HYAL4: variants seen among roughly 807,000 people sequenced by gnomAD.
HYAL4 encodes hyaluronidase-4.
In HYAL4, 37 loss-of-function variants were observed where a neutral mutation model predicts 35.2. The ratio of observed to expected loss-of-function variants is 1.05; its 90% CI spans 0.81 to 1.38. The LOEUF is 1.38. Ranked by LOEUF, HYAL4 falls within the 40% of genes most tolerant of loss-of-function variation. The pLI is 0.00. For missense variants in HYAL4, 572 were observed against 572.4 expected (o/e 1.00, Z 0.01); for synonymous variants, 198 against 203.2 (o/e 0.97, Z 0.22).
chr7:123,809,047 A>G, the HYAL4 span, among the ~76,000 whole-genome samples: 3 of 152,188 alleles, frequency 2.0e-5, no homozygotes, highest in Admixed American at 2.0e-4. Context: ...GAAGGAGGAT[A>G]TAATTGGAAC....
intron 2 of HYAL4, among the ~76,000 whole-genome samples, chr7:123,866,313 C>T (rs1010614683): frequency 2.0e-5 from 3 of 152,202 alleles, no homozygotes; most frequent in South Asian, 2.1e-4. Flanking sequence ...CTGGAATTTA[C>T]GTCACCACTG....
the HYAL4 span, among the ~76,000 whole-genome samples, chr7:123,790,178 G>A: frequency 6.6e-6 from 1 of 152,168 alleles, no homozygotes; most frequent in Non-Finnish European, 1.5e-5. Context: ...CGTCAGAGCT[G>A]TCATGAATCA....
the HYAL4 span, among the ~76,000 whole-genome samples, chr7:123,768,270 A>G: frequency 0.022 from 3,401 of 152,312 alleles, 76 homozygotes; most frequent in Middle Eastern, 0.068. Flanking sequence ...TATTAAAATA[A>G]AAACCAAACA....
At chr7:123,833,228 C>G (rs1015342532) in intron 1 of HYAL4, among the ~76,000 whole-genome samples, 1 of 152,142 alleles carries the variant, frequency 6.6e-6, no homozygotes, top group African/African-American at 2.4e-5. Flanking sequence ...TTCACTACAC[C>G]CACATGGACA....
upstream of HYAL4, among the ~76,000 whole-genome samples, chr7:123,840,631 C>T (rs1419424613): frequency 1.3e-5 from 2 of 151,906 alleles, no homozygotes; most frequent in Admixed American, 6.6e-5. Flanking sequence ...ATGGAATATT[C>T]TTCCATTTGT....
At chr7:123,787,779 G>C in the HYAL4 span, among the ~76,000 whole-genome samples, 1 of 152,144 alleles carries the variant, frequency 6.6e-6, no homozygotes, top group Non-Finnish European at 1.5e-5. Flanking sequence ...AGGAGGAGGG[G>C]CAATTGCAGT....
chr7:123,800,986 A>G, the HYAL4 span, among the ~76,000 whole-genome samples: 1 of 152,108 alleles, frequency 6.6e-6, no homozygotes, highest in African/African-American at 2.4e-5. Context: ...AATAAAATTT[A>G]TTTTATTTGG....
chr7:123,829,572 A>G (rs1805849948), intron 1 of HYAL4, among the ~76,000 whole-genome samples: 1 of 152,232 alleles, frequency 6.6e-6, no homozygotes, highest in African/African-American at 2.4e-5. Context: ...AAGAAAGTGA[A>G]TATACCTGCT....
upstream of HYAL4, among the ~76,000 whole-genome samples, chr7:123,828,427 T>TACACACACAC (rs34327472): frequency 0.022 from 3,155 of 141,354 alleles, 44 homozygotes; most frequent in Non-Finnish European, 0.029. Flanking sequence ...TGTTCATAAT[T>TACACACACAC]ACACACACAC....
chr7:123,816,147 C>T, the HYAL4 span, among the ~76,000 whole-genome samples: 1 of 152,056 alleles, frequency 6.6e-6, no homozygotes. Context: ...AGGGAAACTG[C>T]CATTTGGGGG....
chr7:123,842,826 C>CT (rs966602691), upstream of HYAL4, among the ~76,000 whole-genome samples: 12 of 151,522 alleles, frequency 7.9e-5, no homozygotes, highest in East Asian at 1.5e-3. Context: ...CAACTCCTGC[C>CT]TTTTTTTTGT....
chr7:123,774,019 T>C, the HYAL4 span, among the ~76,000 whole-genome samples: 2 of 152,162 alleles, frequency 1.3e-5, no homozygotes, highest in African/African-American at 4.8e-5. Context: ...TTGTATTTTA[T>C]TTTTTATTTT....
intron 1 of HYAL4, among the ~76,000 whole-genome samples, chr7:123,830,139 GA>G (rs1805858654): frequency 6.6e-6 from 1 of 152,170 alleles, no homozygotes; most frequent in South Asian, 2.1e-4. Context: ...AACAGATCAT[GA>G]AAAGCATTCA....
the HYAL4 span, among the ~76,000 whole-genome samples, chr7:123,801,190 T>C: frequency 6.6e-6 from 1 of 152,134 alleles, no homozygotes; most frequent in Non-Finnish European, 1.5e-5. Context: ...ATATGGTCAA[T>C]TTAGGCATTA....
intron 2 of HYAL4, among the ~76,000 whole-genome samples, chr7:123,863,192 G>T (rs908446179): frequency 6.6e-6 from 1 of 152,132 alleles, no homozygotes; most frequent in Non-Finnish European, 1.5e-5. Context: ...TCCCCTACAA[G>T]AATTTAAACT....
At chr7:123,807,432 G>GTTTGTTTTTT in the HYAL4 span, among the ~76,000 whole-genome samples, 460 of 120,632 alleles carry the variant, frequency 3.8e-3, 10 homozygotes, top group Middle Eastern at 0.018. Flanking sequence ...ACTTTTTATG[G>GTTTGTTTTTT]TTTTTTTTTT....
the HYAL4 span, among the ~76,000 whole-genome samples, chr7:123,809,393 C>CTTTTTTTTTTT: frequency 7.7e-6 from 1 of 129,576 alleles, no homozygotes; most frequent in Non-Finnish European, 1.7e-5. Flanking sequence ...TTTTCTTCTT[C>CTTTTTTTTTTT]TTTTTTTTTT....
chr7:123,861,882 A>C (rs1388063655), intron 2 of HYAL4, among the ~76,000 whole-genome samples: 5 of 152,152 alleles, frequency 3.3e-5, no homozygotes, highest in Non-Finnish European at 7.4e-5. Context: ...CCTTAATGAA[A>C]TACTGTTATA....
At chr7:123,828,174 G>A (rs371067800), upstream of HYAL4, among the ~76,000 whole-genome samples, 5 of 152,158 alleles carry the variant, frequency 3.3e-5, no homozygotes, top group East Asian at 3.9e-4. Context: ...CAATGTACAA[G>A]TAACACTAGC....
Sources: allele counts gnomAD v4.1 joint callset (sites outside exome capture counted in the v4.1 genomes callset), GRCh38; gene constraint gnomAD v4.1.1; transcripts MANE v1.5; gene names NCBI Gene and HGNC (gene_info 2026-07-23, HGNC 2026-07-21).